ZHX3: variants seen among roughly 807,000 people sequenced by gnomAD.
ZHX3 encodes the protein zinc fingers and homeoboxes protein 3.
ZHX3 carries 20 observed loss-of-function variants against 64.5 expected under a neutral mutation model. That is an observed-to-expected ratio of 0.31 (90% CI 0.22 to 0.45). ZHX3 has a LOEUF of 0.45. ZHX3 is among the 20% of genes least tolerant of loss of function. The pLI, the probability that ZHX3 is intolerant of heterozygous loss-of-function variation, is 1.00. For missense variants in ZHX3, 1,041 were observed against 1,195.8 expected, an observed-to-expected ratio of 0.87 and a Z score of 1.91; for synonymous variants, 423 against 461.6, an observed-to-expected ratio of 0.92 and a Z score of 1.07.
chr20:41,287,799 C>T (rs913894070), intron 1 of ZHX3, among the ~76,000 whole-genome samples: 1 of 152,174 alleles, frequency 6.6e-6, no homozygotes, highest in African/African-American at 2.4e-5. Flanking sequence ...GCCAGAGGTA[C>T]CCATTAAGCC....
At chr20:41,276,208 C>T (rs1382312503) in intron 1 of ZHX3, among the ~76,000 whole-genome samples, 1 of 152,018 alleles carries the variant, frequency 6.6e-6, no homozygotes, top group East Asian at 1.9e-4. Context: ...TTTTGTTTTC[C>T]AGTTATCAAG....
intron 2 of ZHX3, chr20:41,213,590 GGCA>G (rs1349838103): frequency 6.6e-6 from 1 of 152,668 alleles, no homozygotes; most frequent in Admixed American, 6.5e-5. Context: ...CAGAAGGCCA[GGCA>G]GCAGAACTCA....
rs781444348 is a variant in ZHX3 at position 41,203,140 on chromosome 20, T to A, written c.1777A>T (p.Thr593Ser). 4 of 1,613,986 alleles carry A rather than the reference T, an allele frequency of 2.5e-6. No homozygotes were observed. The highest frequency in any genetic ancestry group is 3.3e-5 in the Admixed American group (2 of 59,998). The change falls in exon 3 of 4, where the codon ACA (threonine) becomes TCA (serine). Residue 593 changes from threonine (T) to serine (S), a missense_variant. This residue lies in a region of ZHX3 where 649 missense variants were observed against 739.8 expected (regional missense o/e 0.88). Transcript: ENST00000683867. This position sits in a 1 kb window ranked among gnomAD's most constrained non-coding sequence, Gnocchi z 7.1. ...PEVTCIPTTA[T>S]LATHPSAKRQ... The stretch of plus-strand genomic sequence containing the variant: ...TTGGCAGAAGGGTGGGTTGCTAGTG[T>A]GGCTGTTGTCGGAATGCAGGTTACC...
intron 1 of ZHX3, among the ~76,000 whole-genome samples, chr20:41,314,578 T>C (rs1324260624): frequency 1.3e-5 from 2 of 152,226 alleles, no homozygotes; most frequent in Non-Finnish European, 2.9e-5. Context: ...TTTTCAAAAA[T>C]ATCCAGTGTG....
chr20:41,205,521 G>A (rs934323204), intron 2 of ZHX3, among the ~76,000 whole-genome samples: 1 of 133,606 alleles, frequency 7.5e-6, no homozygotes, highest in Non-Finnish European at 1.6e-5. Context: ...TCTGTCCCAA[G>A]CCAGGCCCAG....
intron 1 of ZHX3, among the ~76,000 whole-genome samples, chr20:41,309,110 T>C (rs962774439): frequency 2.0e-5 from 3 of 152,216 alleles, no homozygotes; most frequent in African/African-American, 7.2e-5. Context: ...TACTTTGAAT[T>C]ATTTTATAGA....
intron 2 of ZHX3, among the ~76,000 whole-genome samples, chr20:41,259,555 A>G (rs931387872): frequency 1.3e-5 from 2 of 152,208 alleles, no homozygotes; most frequent in Non-Finnish European, 2.9e-5. Context: ...ATACATGTGA[A>G]TGGACATAGA....
intron 1 of ZHX3, among the ~76,000 whole-genome samples, chr20:41,310,967 C>T (rs1476371078): frequency 6.6e-6 from 1 of 151,986 alleles, no homozygotes; most frequent in African/African-American, 2.4e-5. Context: ...TGCCACCACA[C>T]CAAGCTAATT....
intron 2 of ZHX3, among the ~76,000 whole-genome samples, chr20:41,222,001 A>G (rs2039975389): frequency 6.6e-6 from 1 of 152,224 alleles, no homozygotes; most frequent in African/African-American, 2.4e-5. Context: ...CAGTGCCAAG[A>G]GAGGGCTTTG....
chr20:41,248,703 C>CTA (rs2146494050), intron 2 of ZHX3, among the ~76,000 whole-genome samples: 1 of 152,306 alleles, frequency 6.6e-6, no homozygotes, highest in Non-Finnish European at 1.5e-5. Context: ...ATAAAGCTCC[C>CTA]TCCTCTGTGG....
At chr20:41,300,781 A>G (rs998340658) in intron 1 of ZHX3, among the ~76,000 whole-genome samples, 6 of 152,306 alleles carry the variant, frequency 3.9e-5, no homozygotes, top group Admixed American at 3.3e-4. Flanking sequence ...CTGGAAACCC[A>G]GAAGACTGGG....
chr20:41,218,443 C>CTAAATAAATAAATAAA (rs60949298), intron 2 of ZHX3, among the ~76,000 whole-genome samples: 2 of 151,596 alleles, frequency 1.3e-5, no homozygotes, highest in South Asian at 2.1e-4. Flanking sequence ...GACCCTGTCT[C>CTAAATAAATAAATAAA]TAAATAAATA....
intron 1 of ZHX3, among the ~76,000 whole-genome samples, chr20:41,288,008 T>G (rs2044023856): frequency 6.6e-6 from 1 of 152,032 alleles, no homozygotes. Flanking sequence ...AAATTTGGAG[T>G]AAAGCAAGGA....
intron 2 of ZHX3, among the ~76,000 whole-genome samples, chr20:41,268,334 T>C (rs941646388): frequency 1.3e-5 from 2 of 148,576 alleles, no homozygotes; most frequent in African/African-American, 2.6e-5. Context: ...CATATCTATT[T>C]CATCAAATGA....
chr20:41,210,410 C>T (rs915396570), intron 2 of ZHX3, among the ~76,000 whole-genome samples: 14 of 152,204 alleles, frequency 9.2e-5, no homozygotes, highest in East Asian at 3.9e-4. Flanking sequence ...ATGTTTATTG[C>T]GGCACTATTC....
At chr20:41,315,406 G>A (rs1029377011) in intron 1 of ZHX3, among the ~76,000 whole-genome samples, 1 of 142,660 alleles carries the variant, frequency 7.0e-6, no homozygotes, top group Non-Finnish European at 1.5e-5. Context: ...TGCTGGCCGG[G>A]CTGGTCTCGA....
rs570861159 is a variant in ZHX3 at position 41,291,258 on chromosome 20, G to A, written c.-244-22175C>T. Among the ~76,000 whole-genome samples, 5 of 152,224 alleles carry A rather than the reference G, an allele frequency of 3.3e-5. No homozygotes were observed. In the South Asian group the frequency reaches 1.0e-3, roughly 32 times the overall value. On this transcript the variant is annotated intron_variant, in intron 1 of 3. Coordinates refer to ENST00000683867, the MANE Select transcript of ZHX3 (RefSeq NM_001384317.1). ...TCAAGGTCAGTAATCCATATAGAAA[G>A]AGAAGATCAGAGAACAGAAGTCACA...
intron 3 of ZHX3, among the ~76,000 whole-genome samples, chr20:41,198,567 T>G (rs1008763152): frequency 6.6e-6 from 1 of 152,026 alleles, no homozygotes; most frequent in African/African-American, 2.4e-5. Context: ...AGGAATCGGC[T>G]GTTAATCTTG....
intron 1 of ZHX3, among the ~76,000 whole-genome samples, chr20:41,283,567 G>C (rs2043794567): frequency 6.6e-6 from 1 of 152,014 alleles, no homozygotes; most frequent in Non-Finnish European, 1.5e-5. Flanking sequence ...GACCATCCTG[G>C]CTAACACAGT....
Sources: gnomAD v4.1 joint callset for allele counts (sites outside exome capture counted in the v4.1 genomes callset) on GRCh38, gnomAD v4.1.1 for gene constraint, gnomAD v4.1.1 regional missense constraint, Gnocchi (gnomAD v3.1) non-coding constraint, MANE v1.5 for transcripts, NCBI Gene and HGNC (gene_info 2026-07-23, HGNC 2026-07-21) for gene names.